The following AGBL1 variants were observed in gnomAD, a reference collection of about 807,000 sequenced individuals.
The protein encoded by AGBL1 is cytosolic carboxypeptidase 4.
AGBL1 carries 130 observed loss-of-function variants against 118.9 expected under a neutral mutation model. The observed-to-expected ratio is 1.09, with a 90% CI of 0.95 to 1.26. The LOEUF (loss-of-function observed/expected upper bound fraction) is 1.26, where lower values mean the gene tolerates loss of function less well. Ranked by LOEUF, AGBL1 falls within the 50% of genes most tolerant of loss-of-function variation. The probability of loss-of-function intolerance (pLI) is 0.00; values close to 1 mark genes in which losing one functional copy is unlikely to be tolerated. For missense variants in AGBL1, 1,584 were observed against 1,298.1 expected (o/e 1.22, Z -3.38); for synonymous variants, 555 against 478.9 (o/e 1.16, Z -2.08).
intron 22 of AGBL1, among the ~76,000 whole-genome samples, chr15:86,727,122 G>T (rs2086832936): frequency 6.6e-6 from 1 of 152,154 alleles, no homozygotes; most frequent in South Asian, 2.1e-4. Context: ...GGACTCTAGT[G>T]ATAATGACAC....
chr15:86,552,568 T>G (rs1338493128), intron 20 of AGBL1, among the ~76,000 whole-genome samples: 1 of 152,210 alleles, frequency 6.6e-6, no homozygotes, highest in Non-Finnish European at 1.5e-5. Flanking sequence ...AGCAAATAAT[T>G]ATGTAGTAAC....
chr15:86,714,409 G>A (rs1475353966), intron 22 of AGBL1, among the ~76,000 whole-genome samples: 1 of 152,180 alleles, frequency 6.6e-6, no homozygotes, highest in East Asian at 1.9e-4. Context: ...CTATCAGTGG[G>A]AAATTAGCCT....
At chr15:86,183,386 TA>T (rs1337642863) in intron 5 of AGBL1, among the ~76,000 whole-genome samples, 4 of 152,182 alleles carry the variant, frequency 2.6e-5, no homozygotes, top group African/African-American at 7.2e-5. Flanking sequence ...CCTCACTTTA[TA>T]AACAGGGATA....
At chr15:86,153,147 A>C (rs1193078531) in intron 3 of AGBL1, among the ~76,000 whole-genome samples, 1 of 152,184 alleles carries the variant, frequency 6.6e-6, no homozygotes, top group African/African-American at 2.4e-5. Context: ...TTGACCCAGC[A>C]ATCCCATTAC....
intron 22 of AGBL1, among the ~76,000 whole-genome samples, chr15:86,856,217 C>G (rs899586192): frequency 6.6e-6 from 1 of 152,154 alleles, no homozygotes; most frequent in Non-Finnish European, 1.5e-5. Context: ...TCTGTCCCTG[C>G]CTCCCCAGAG....
chr15:86,874,003 A>G (rs772232764), intron 22 of AGBL1, among the ~76,000 whole-genome samples: 12 of 152,134 alleles, frequency 7.9e-5, no homozygotes, highest in Non-Finnish European at 1.3e-4. Context: ...GTCATTTACT[A>G]TATCTTTTCT....
In AGBL1 at chr15:86,985,906, T is replaced by A. The variant is rs1000984536; in HGVS notation, c.3222-2081T>A. On this transcript the variant is annotated intron_variant, in intron 23 of 24. Transcript: ENST00000441037. ...ATGTGAATTGTCAAAGTTTATTTTT[T>A]TATATGGATAGCAATCTTTTTTTTT... Among the ~76,000 whole-genome samples the A allele has an allele frequency of 2.6e-5, 4 of 152,130 alleles. No individual in the cohort carries two copies. The South Asian group carries it at 6.2e-4, about 24-fold the overall frequency.
chr15:86,136,266 C>T (rs2076887674), intron 1 of AGBL1, among the ~76,000 whole-genome samples: 1 of 152,214 alleles, frequency 6.6e-6, no homozygotes, highest in African/African-American at 2.4e-5. Flanking sequence ...CCACAATAGA[C>T]AGTGAGAACA....
chr15:86,397,538 C>G lies in AGBL1; in HGVS notation c.2547C>G (p.Ile849Met). ...CCATGCTCAACCCAGATGGTGTCATCAACGGCAAGTATGTCAGGCACCTGG... is the reference window on the plus strand; with the variant it reads ...CCATGCTCAACCCAGATGGTGTCATGAACGGCAAGTATGTCAGGCACCTGG... ...IIPMLNPDGV[I>M]NGNHRCSLSG... Residue 849 changes from isoleucine to methionine, a missense_variant, in exon 18 of 23, where the codon ATC becomes ATG. Ile to Met is a conservative substitution (Grantham distance 10). Coordinates refer to ENST00000614907, the MANE Select transcript of AGBL1 (RefSeq NM_001386094.1). The G allele has an allele frequency of 6.2e-7, 1 of 1,607,076 alleles. No individual in the cohort carries two copies. Among genetic ancestry groups the G allele is most frequent in the Non-Finnish European group, 8.5e-7 (1 of 1,176,408 alleles).
intron 22 of AGBL1, among the ~76,000 whole-genome samples, chr15:86,713,937 C>A (rs1167905215): frequency 6.6e-6 from 1 of 152,106 alleles, no homozygotes; most frequent in Non-Finnish European, 1.5e-5. Context: ...GAAATTATGC[C>A]ATGCATGATG....
intron 23 of AGBL1, among the ~76,000 whole-genome samples, chr15:86,970,800 T>G (rs1244955767): frequency 6.6e-6 from 1 of 151,992 alleles, no homozygotes; most frequent in Admixed American, 6.6e-5. Flanking sequence ...CAGAATAGTG[T>G]ACAATTGGCC....
At chr15:86,653,002 G>T (rs1480369952) in intron 21 of AGBL1, among the ~76,000 whole-genome samples, 1 of 152,166 alleles carries the variant, frequency 6.6e-6, no homozygotes, top group African/African-American at 2.4e-5. Flanking sequence ...AATGTCAATA[G>T]TGCTGATGTA....
intron 22 of AGBL1, among the ~76,000 whole-genome samples, chr15:86,714,693 T>C (rs1451111259): frequency 3.3e-5 from 5 of 152,170 alleles, no homozygotes; most frequent in Admixed American, 3.3e-4. Context: ...GACCTTGTTG[T>C]CAATAACCCT....
At chr15:86,327,030 C>A (rs552248469) in intron 17 of AGBL1, among the ~76,000 whole-genome samples, 1 of 150,762 alleles carries the variant, frequency 6.6e-6, no homozygotes, top group South Asian at 2.1e-4. Context: ...GAGGAACAGT[C>A]ATTAAAGGGA....
At chr15:86,570,404 A>T (rs935255986) in intron 21 of AGBL1, among the ~76,000 whole-genome samples, 1 of 152,222 alleles carries the variant, frequency 6.6e-6, no homozygotes, top group Non-Finnish European at 1.5e-5. Flanking sequence ...AGGCACACTC[A>T]AGAGAGAGTC....
intron 22 of AGBL1, among the ~76,000 whole-genome samples, chr15:86,743,280 T>C (rs1247246571): frequency 6.6e-6 from 1 of 152,156 alleles, no homozygotes; most frequent in African/African-American, 2.4e-5. Flanking sequence ...TTTGTTATAA[T>C]GGAAGGAAGG....
chr15:86,542,303 T>C (rs941114218), intron 19 of AGBL1, among the ~76,000 whole-genome samples: 2 of 151,506 alleles, frequency 1.3e-5, no homozygotes, highest in African/African-American at 4.9e-5. Context: ...CTTGACAAAC[T>C]CTGTAGTTGT....
Position 86,324,276 on chromosome 15 carries a change from G to A in AGBL1, c.2374+28868G>A, listed in dbSNP as rs1567199114. ...AAGCAAATTAGAGATGAAGTATAAAGAAGGGAGCTTAAAACTCTACCCGGG... is the reference window on the plus strand; with the variant it reads ...AAGCAAATTAGAGATGAAGTATAAAAAAGGGAGCTTAAAACTCTACCCGGG... On this transcript the variant is annotated intron_variant, in intron 17 of 22. Coordinates refer to ENST00000614907, the MANE Select transcript of AGBL1 (RefSeq NM_001386094.1). Among the ~76,000 whole-genome samples, 9 of 152,258 alleles carry A rather than the reference G, an allele frequency of 5.9e-5. No individual in the cohort carries two copies. In the South Asian group the frequency reaches 1.2e-3, roughly 21 times the overall value.
intron 24 of AGBL1, among the ~76,000 whole-genome samples, chr15:87,023,886 T>C (rs756270980): frequency 2.6e-5 from 4 of 152,018 alleles, no homozygotes; most frequent in Non-Finnish European, 5.9e-5. Context: ...TGAATGATCA[T>C]TGGGTCAAAA....
Sources: allele counts gnomAD v4.1 joint callset (sites outside exome capture counted in the v4.1 genomes callset), GRCh38; gene constraint gnomAD v4.1.1; transcripts MANE v1.5; gene names NCBI Gene and HGNC (gene_info 2026-07-23, HGNC 2026-07-21).